TBC1D8: variants seen among roughly 807,000 people sequenced by gnomAD.
TBC1D8 encodes TBC1 domain family member 8.
A neutral mutation model predicts 118.8 loss-of-function variants in TBC1D8; 65 were observed. That is an observed-to-expected ratio of 0.55 (90% confidence interval 0.45 to 0.67). The LOEUF is 0.67. Ranked by LOEUF, TBC1D8 falls within the 30% of genes least tolerant of loss-of-function variation. TBC1D8 has a pLI of 0.00. For synonymous variants in TBC1D8, 566 were observed against 595.8 expected, an observed-to-expected ratio of 0.95 and a Z score of 0.73; for missense variants, 1,376 against 1,471.2, an observed-to-expected ratio of 0.94 and a Z score of 1.06.
intron 1 of TBC1D8, among the ~76,000 whole-genome samples, chr2:101,134,916 G>A (rs1678776844): frequency 6.6e-6 from 1 of 152,342 alleles, no homozygotes; most frequent in African/African-American, 2.4e-5. Flanking sequence ...GCTCACGCCT[G>A]TAATCCCAGC....
chr2:101,137,207 A>G (rs1678894047), intron 1 of TBC1D8, among the ~76,000 whole-genome samples: 1 of 149,784 alleles, frequency 6.7e-6, no homozygotes, highest in South Asian at 2.1e-4. Context: ...TAATTTTTGT[A>G]TTTTTAGTAG....
intron 1 of TBC1D8, among the ~76,000 whole-genome samples, chr2:101,145,299 T>C (rs891556137): frequency 1.3e-5 from 2 of 152,240 alleles, no homozygotes. Flanking sequence ...ATATATCAGT[T>C]ATTTAACTTA....
rs79768326 is a variant in TBC1D8, at chr2:101,109,372, T to C, written c.128-19008A>G. 4.0e-3 allele frequency among the ~76,000 whole-genome samples: 614 copies of C among 152,204 alleles called. 1 individual carries two copies. The highest frequency in any genetic ancestry group is 5.0e-3 in the Non-Finnish European group (340 of 67,986). Reference sequence around the variant, plus strand: ...TGTTGAATGGGCAAACAAAAAACGGTTAACATGGCAAAGAATGCCTTCAAC... The same window carrying C: ...TGTTGAATGGGCAAACAAAAAACGGCTAACATGGCAAAGAATGCCTTCAAC... On this transcript the variant is annotated intron_variant, in intron 1 of 19. Transcript: ENST00000409318.
intron 1 of TBC1D8, among the ~76,000 whole-genome samples, chr2:101,091,655 T>C (rs979856665): frequency 5.3e-5 from 8 of 152,072 alleles, no homozygotes; most frequent in Non-Finnish European, 4.4e-5. Context: ...AGTTTAGGAG[T>C]TCGAGGCTGC....
At chr2:101,130,503 G>A (rs565372106) in intron 1 of TBC1D8, among the ~76,000 whole-genome samples, 1 of 152,326 alleles carries the variant, frequency 6.6e-6, no homozygotes, top group South Asian at 2.1e-4. Flanking sequence ...GCCAACACAG[G>A]CAGGAACCTA....
chr2:101,041,466 A>C (rs1229594774), intron 5 of TBC1D8, among the ~76,000 whole-genome samples: 1 of 152,224 alleles, frequency 6.6e-6, no homozygotes, highest in Non-Finnish European at 1.5e-5. Context: ...TTCCATTAAT[A>C]TGAAATATCC....
intron 1 of TBC1D8, among the ~76,000 whole-genome samples, chr2:101,095,320 A>C (rs1676330175): frequency 1.4e-5 from 2 of 145,108 alleles, no homozygotes; most frequent in Admixed American, 1.4e-4. Context: ...TTACATATGT[A>C]TACATGTGCC....
chr2:101,048,903 C>T (rs1681876303), intron 5 of TBC1D8, among the ~76,000 whole-genome samples: 1 of 152,146 alleles, frequency 6.6e-6, no homozygotes. Context: ...ATATAATGTC[C>T]TCAAGGTTCA....
At chr2:101,082,334 G>A (rs1675320385) in intron 2 of TBC1D8, among the ~76,000 whole-genome samples, 1 of 152,254 alleles carries the variant, frequency 6.6e-6, no homozygotes, top group South Asian at 2.1e-4. Context: ...AAATGGCAAT[G>A]AAGTCTCCTT....
intron 1 of TBC1D8, among the ~76,000 whole-genome samples, chr2:101,126,881 G>A (rs1346065289): frequency 6.6e-6 from 1 of 152,198 alleles, no homozygotes; most frequent in Non-Finnish European, 1.5e-5. Flanking sequence ...TTTGAAGACA[G>A]TTTAATTCTA....
At chr2:101,074,110 TA>T (rs1674653293) in intron 2 of TBC1D8, among the ~76,000 whole-genome samples, 1 of 152,248 alleles carries the variant, frequency 6.6e-6, no homozygotes, top group African/African-American at 2.4e-5. Context: ...GCTTTTGATA[TA>T]AAGTGAAAGA....
chr2:101,029,438 G>A (rs578101307), intron 12 of TBC1D8, 53 bp downstream of exon 12: 18 of 1,570,740 alleles, frequency 1.1e-5, no homozygotes, highest in East Asian at 9.0e-5. Flanking sequence ...TGCTGGGCAC[G>A]TGCTGCTGCC....
chr2:101,144,671 T>C (rs1181702103), intron 1 of TBC1D8, among the ~76,000 whole-genome samples: 1 of 152,186 alleles, frequency 6.6e-6, no homozygotes, highest in Non-Finnish European at 1.5e-5. Flanking sequence ...GCGCGGTGGC[T>C]CACGCCTGTA....
intron 1 of TBC1D8, among the ~76,000 whole-genome samples, chr2:101,118,763 G>C (rs546229526): frequency 6.6e-6 from 1 of 151,558 alleles, no homozygotes; most frequent in Non-Finnish European, 1.5e-5. Flanking sequence ...CCAGCACTCT[G>C]GGAGGCCAAG....
intron 17 of TBC1D8, among the ~76,000 whole-genome samples, chr2:101,017,271 A>AT (rs1459210414): frequency 6.6e-6 from 1 of 151,826 alleles, no homozygotes; most frequent in African/African-American, 2.4e-5. Flanking sequence ...TTTACAGTTT[A>AT]TTTTTTTTAA....
chr2:101,031,714 G>A (rs1680680905), intron 11 of TBC1D8, among the ~76,000 whole-genome samples: 1 of 152,168 alleles, frequency 6.6e-6, no homozygotes. Context: ...CAGCCAACGA[G>A]CTTTCTTAAG....
chr2:101,150,237 A>T (rs1409592366), intron 1 of TBC1D8, among the ~76,000 whole-genome samples: 1 of 152,170 alleles, frequency 6.6e-6, no homozygotes, highest in Non-Finnish European at 1.5e-5. Context: ...GACCTAACCT[A>T]GGTCCTTTGA....
At chr2:101,032,696 C>A (rs1479042140) in intron 10 of TBC1D8, 1 of 290,430 alleles carries the variant, frequency 3.4e-6, no homozygotes. Flanking sequence ...AGCAGACACA[C>A]ACATGCACAC....
chr2:101,042,748 T>TAA (rs71250693), intron 5 of TBC1D8, among the ~76,000 whole-genome samples: 39 of 143,202 alleles, frequency 2.7e-4, no homozygotes, highest in Middle Eastern at 7.1e-3. Context: ...ATATTAGCTT[T>TAA]AAAAAAAAAA....
Sources: gnomAD v4.1 joint callset for allele counts (sites outside exome capture counted in the v4.1 genomes callset) on GRCh38, gnomAD v4.1.1 for gene constraint, MANE v1.5 for transcripts, NCBI Gene and HGNC (gene_info 2026-07-23, HGNC 2026-07-21) for gene names.